The following ZNF644 variants were observed in gnomAD, a reference collection of about 807,000 sequenced individuals.
ZNF644 encodes zinc finger protein 644.
Under a neutral mutation model 108.0 loss-of-function variants are expected in ZNF644, and 20 were observed. That is an observed-to-expected ratio of 0.19 (90% CI 0.13 to 0.27). ZNF644 has a LOEUF of 0.27. Ranked by LOEUF, ZNF644 falls within the 10% of genes least tolerant of loss-of-function variation. ZNF644 has a pLI of 1.00. For missense variants in ZNF644, 1,338 were observed against 1,548.9 expected (o/e 0.86, Z 2.29); for synonymous variants, 542 against 539.1 (o/e 1.01, Z -0.08).
chr1:91,016,628 T>G (rs778136907), intron 1 of ZNF644, among the ~76,000 whole-genome samples: 3 of 152,212 alleles, frequency 2.0e-5, no homozygotes, highest in Non-Finnish European at 4.4e-5. Context: ...ATGACTGTAT[T>G]TAATATCTTC....
In ZNF644 at chr1:90,915,711, G is replaced by A. The variant is rs1007181159; in HGVS notation, c.*1087C>T. ...TCTTAGCATGAGCATAGTGTTACACGATTTTCGTACATATAATCACATCCA... is the reference window on the plus strand; with the variant it reads ...TCTTAGCATGAGCATAGTGTTACACAATTTTCGTACATATAATCACATCCA... On this transcript the variant is annotated 3_prime_UTR_variant, in exon 6 of 6. Coordinates refer to ENST00000337393, the MANE Select transcript of ZNF644 (RefSeq NM_201269.3). 1 of 152,492 alleles carries A rather than the reference G, an allele frequency of 6.6e-6. No individual in the cohort carries two copies. The highest frequency in any genetic ancestry group is 6.5e-5 in the Admixed American group (1 of 15,276). 9.4% of individuals were successfully genotyped at this position (152,492 alleles called of 1,614,324 possible).
chr1:91,018,938 A>T (rs541756981), intron 1 of ZNF644, among the ~76,000 whole-genome samples: 17 of 152,238 alleles, frequency 1.1e-4, no homozygotes, highest in Non-Finnish European at 2.2e-4. Flanking sequence ...AACTACAAAT[A>T]ACCTGAAAGT....
At chr1:90,920,848 A>G (rs1028399038) in intron 4 of ZNF644, among the ~76,000 whole-genome samples, 6 of 152,080 alleles carry the variant, frequency 3.9e-5, no homozygotes, top group Admixed American at 2.6e-4. Context: ...GGAAATTGAA[A>G]TCTAAATGCC....
intron 1 of ZNF644, among the ~76,000 whole-genome samples, chr1:91,007,748 T>G (rs1258192595): frequency 4.6e-5 from 7 of 152,216 alleles, no homozygotes; most frequent in African/African-American, 1.7e-4. Flanking sequence ...CATCCTTTCT[T>G]GTTTCAAAGA....
At chr1:90,922,456 C>G (rs114697898) in intron 4 of ZNF644, among the ~76,000 whole-genome samples, 1 of 152,034 alleles carries the variant, frequency 6.6e-6, no homozygotes, top group African/African-American at 2.4e-5. Flanking sequence ...AAACATGACA[C>G]GAACAGGTAA....
chr1:90,944,072 G>A (rs765977299), intron 2 of ZNF644, among the ~76,000 whole-genome samples: 36 of 152,176 alleles, frequency 2.4e-4, no homozygotes, highest in Non-Finnish European at 4.9e-4. Flanking sequence ...TGTTGCTAAC[G>A]AAGTGGTAAA....
At chr1:90,951,458 T>A (rs1455179376) in intron 2 of ZNF644, among the ~76,000 whole-genome samples, 3 of 152,182 alleles carry the variant, frequency 2.0e-5, no homozygotes, top group African/African-American at 7.2e-5. Flanking sequence ...CTTGAATATG[T>A]TCTCTACTAG....
intron 1 of ZNF644, among the ~76,000 whole-genome samples, chr1:90,990,908 G>A (rs773986017): frequency 2.6e-5 from 4 of 152,150 alleles, no homozygotes; most frequent in Admixed American, 1.3e-4. Flanking sequence ...AAAAAGGAAC[G>A]TGGTGGAGAA....
At chr1:90,935,287 A>C in intron 4 of ZNF644, 2 of 828,034 alleles carry the variant, frequency 2.4e-6, no homozygotes, top group Non-Finnish European at 2.9e-6. Context: ...ATGGGTATTC[A>C]GACTCAAATG....
At chr1:91,020,107 G>A (rs1660767095) in intron 1 of ZNF644, among the ~76,000 whole-genome samples, 1 of 152,140 alleles carries the variant, frequency 6.6e-6, no homozygotes, top group Admixed American at 6.5e-5. Context: ...GAGGGTAAGA[G>A]CAGTTGTTCT....
chr1:90,997,572 G>T (rs545627254), intron 1 of ZNF644, among the ~76,000 whole-genome samples: 3 of 152,108 alleles, frequency 2.0e-5, no homozygotes, highest in Non-Finnish European at 4.4e-5. Flanking sequence ...AAAGGGGAGG[G>T]GGGCGGTTCC....
rs1327653762 is a variant in ZNF644 at position 90,938,571 on chromosome 1, T to C, written c.2783A>G (p.Asn928Ser). The change falls in exon 3 of 6, where the codon AAC (asparagine) becomes AGC (serine). Residue 928 changes from asparagine (N) to serine (S), a missense_variant. This residue lies in a region of ZNF644 where 462 missense variants were observed against 472.6 expected (regional missense o/e 0.98). Transcript: ENST00000337393. The surrounding 1 kb of genome is among the most constrained non-coding windows in gnomAD (Gnocchi z 4.2). ...FEYYEDTGSN[N>S]FLHEIHDPQH... ...AGGATCATGTATCTCATGCAAAAAG[T>C]TGTTACTTCCAGTATCTTCATAGTA... The C allele has an allele frequency of 3.1e-6, 5 of 1,613,830 alleles. No homozygotes were observed. The highest frequency in any genetic ancestry group is 3.4e-6 in the Non-Finnish European group (4 of 1,179,890).
chr1:91,011,220 A>C (rs1312283102), intron 1 of ZNF644, among the ~76,000 whole-genome samples: 1 of 152,212 alleles, frequency 6.6e-6, no homozygotes, highest in Admixed American at 6.5e-5. Context: ...CAAGACAAAT[A>C]CTGAAATCCC....
Position 90,940,584 on chromosome 1 carries a change from G to C in ZNF644, c.770C>G (p.Thr257Arg). ...GTDGFRSEND[T>R]NWDPQKEFIQ... is the part of the protein sequence containing the mutation. Reference sequence around the variant, plus strand: ...GAACTCTTTTTGGGGATCCCAGTTTGTATCATTTTCTGACCTAAATCCATC... The same window carrying C: ...GAACTCTTTTTGGGGATCCCAGTTTCTATCATTTTCTGACCTAAATCCATC... The change falls in exon 3 of 6, where the codon ACA becomes AGA. Residue 257 changes from threonine to arginine, a missense_variant. This residue lies in a region of ZNF644 where 464 missense variants were observed against 457.9 expected (regional missense o/e 1.01). Transcript: ENST00000337393. The C allele has an allele frequency of 1.1e-5, 17 of 1,613,744 alleles. No homozygotes were observed. The highest frequency in any genetic ancestry group is 1.4e-5 in the Non-Finnish European group (17 of 1,179,886).
chr1:90,956,469 A>G (rs1653765212), intron 2 of ZNF644, among the ~76,000 whole-genome samples: 1 of 152,210 alleles, frequency 6.6e-6, no homozygotes, highest in African/African-American at 2.4e-5. Flanking sequence ...GATGAGATTT[A>G]GTATGATGGC....
intron 1 of ZNF644, among the ~76,000 whole-genome samples, chr1:91,000,563 C>A (rs1388541955): frequency 6.6e-6 from 1 of 152,042 alleles, no homozygotes; most frequent in Admixed American, 6.6e-5. Context: ...ATTTATAGCA[C>A]TAAATGCCCA....
intron 2 of ZNF644, among the ~76,000 whole-genome samples, chr1:90,972,270 A>C (rs1655569606): frequency 6.6e-6 from 1 of 152,216 alleles, no homozygotes. Context: ...TCTAGAACAT[A>C]TACAGAACTA....
intron 4 of ZNF644, among the ~76,000 whole-genome samples, chr1:90,925,732 T>C (rs1277610055): frequency 6.6e-6 from 1 of 151,898 alleles, no homozygotes; most frequent in African/African-American, 2.4e-5. Flanking sequence ...ATGAAACCAA[T>C]GAGCAGCAAA....
intron 2 of ZNF644, among the ~76,000 whole-genome samples, chr1:90,959,294 CCCT>C (rs1654082898): frequency 1.3e-5 from 2 of 152,110 alleles, no homozygotes; most frequent in African/African-American, 2.4e-5. Flanking sequence ...GAAACAGAGA[CCCT>C]CATACACTGC....
Sources: gnomAD v4.1 joint callset for allele counts (sites outside exome capture counted in the v4.1 genomes callset) on GRCh38, gnomAD v4.1.1 for gene constraint, gnomAD v4.1.1 regional missense constraint, Gnocchi (gnomAD v3.1) non-coding constraint, MANE v1.5 for transcripts, NCBI Gene and HGNC (gene_info 2026-07-23, HGNC 2026-07-21) for gene names.